PHF19: variants seen among roughly 807,000 people sequenced by gnomAD.
PHF19 encodes PHD finger protein 19, also known as polycomb like 3.
Under a neutral mutation model 79.8 loss-of-function variants are expected in PHF19, and 21 were observed. That is an observed-to-expected ratio of 0.26 (90% CI 0.19 to 0.38). The LOEUF (loss-of-function observed/expected upper bound fraction) is 0.38, where lower values mean the gene tolerates loss of function less well. Ranked by LOEUF, PHF19 falls within the 10% of genes least tolerant of loss-of-function variation. PHF19 has a pLI of 1.00. For synonymous variants in PHF19, 273 were observed against 296.3 expected (o/e 0.92, Z 0.81); for missense variants, 445 against 744.2 (o/e 0.60, Z 4.68).
intron 1 of PHF19, among the ~76,000 whole-genome samples, chr9:120,885,596 A>G (rs956273039): frequency 1.3e-5 from 2 of 148,680 alleles, no homozygotes; most frequent in Admixed American, 1.3e-4. Flanking sequence ...AAAAAAAAAA[A>G]CAAAGCAGGA....
chr9:120,877,248 CG>C, upstream of PHF19: 1 of 794,702 alleles, frequency 1.3e-6, no homozygotes, highest in Non-Finnish European at 1.5e-6. Context: ...GGGGGCGCCG[CG>C]GGGAGGAGGG....
In PHF19 at chr9:120,860,464, G is replaced by A. The variant is rs1034780760; in HGVS notation, c.1305-279C>T. 4.7e-6 allele frequency: 2 copies of A among 425,000 alleles called. No homozygotes were observed. The highest frequency in any genetic ancestry group is 4.9e-5 in the East Asian group (1 of 20,362). The allele number at this position is 425,000 out of a possible 1,614,324, so 26.3% of individuals were successfully genotyped here. On this transcript the variant is annotated intron_variant, in intron 13 of 14. Transcript: ENST00000373896. The surrounding 1 kb of genome is among the most constrained non-coding windows in gnomAD (Gnocchi z 4.1). ...CAAGGCACCTGTGCAACACTTCACAGGTCAAAAGTGCTTTCATTTGCATTA... is the reference window on the plus strand; with the variant it reads ...CAAGGCACCTGTGCAACACTTCACAAGTCAAAAGTGCTTTCATTTGCATTA...
upstream of PHF19, chr9:120,877,232 C>T (rs1257581237): frequency 1.3e-5 from 3 of 228,214 alleles, no homozygotes; most frequent in East Asian, 5.6e-4. Flanking sequence ...GGGGGCGGGG[C>T]GGGGCGGGGG....
intron 1 of PHF19, among the ~76,000 whole-genome samples, chr9:120,886,981 G>A (rs571502432): frequency 6.6e-6 from 1 of 151,278 alleles, no homozygotes; most frequent in East Asian, 2.0e-4. Context: ...CAGGAGAATT[G>A]CTTGAACCTG....
intron 1 of PHF19, among the ~76,000 whole-genome samples, chr9:120,884,489 C>A (rs2046236201): frequency 6.6e-6 from 1 of 152,198 alleles, no homozygotes; most frequent in South Asian, 2.1e-4. Flanking sequence ...AAGATATAAC[C>A]AACTGCCCAA....
chr9:120,882,743 G>A (rs1029048641), intron 1 of PHF19, among the ~76,000 whole-genome samples: 1 of 151,422 alleles, frequency 6.6e-6, no homozygotes, highest in Admixed American at 6.6e-5. Flanking sequence ...TTGGGAGGCT[G>A]AGGCAGGAGA....
In PHF19 at chr9:120,860,578, G is replaced by C; in HGVS notation, c.1305-393C>G. The C allele has an allele frequency of 4.1e-6, 1 of 244,336 alleles. No homozygotes were observed. Among genetic ancestry groups the C allele is most frequent in the Non-Finnish European group, 8.2e-6 (1 of 122,266 alleles). The allele number at this position is 244,336 out of a possible 1,614,324, so 15.1% of individuals were successfully genotyped here. A position where few individuals can be genotyped will look rare whatever the true frequency, so the allele number is the denominator to read the frequency against. ...AGCTAGTACTGATAAGCAGGGTCTGGAGTTCAGGTCTGACTCTAAAGCCCT... is the reference window on the plus strand; with the variant it reads ...AGCTAGTACTGATAAGCAGGGTCTGCAGTTCAGGTCTGACTCTAAAGCCCT... On this transcript the variant is annotated intron_variant, in intron 13 of 14. Coordinates refer to ENST00000373896, the MANE Select transcript of PHF19 (RefSeq NM_015651.3). The surrounding 1 kb of genome is among the most constrained non-coding windows in gnomAD (Gnocchi z 4.1).
intron 3 of PHF19, among the ~76,000 whole-genome samples, chr9:120,873,584 A>AT (rs574110509): frequency 2.3e-4 from 35 of 152,358 alleles, no homozygotes; most frequent in African/African-American, 8.4e-4. Context: ...CTGTGCTTGC[A>AT]TCTAGAGCTG....
rs199814427 is a variant in PHF19 at position 120,869,395 on chromosome 9, GCTGT to G, written c.466-69_466-66del. 0.046 allele frequency: 70,610 copies of G among 1,546,014 alleles called. 1,928 individuals are homozygous for G. The highest frequency in any genetic ancestry group is 0.052 in the Non-Finnish European group (59,476 of 1,138,946). ...GGTGGACCACGCGAGTCAGCACGCG[GCTGT>G]CTATTGAGGGAAGTGCTGCCAGGGC... On this transcript the variant is annotated intron_variant, in intron 5 of 14. Coordinates refer to ENST00000373896, the MANE Select transcript of PHF19 (RefSeq NM_015651.3). This position sits in a 1 kb window ranked among gnomAD's most constrained non-coding sequence, Gnocchi z 5.8.
intron 14 of PHF19, among the ~76,000 whole-genome samples, chr9:120,858,803 G>GACAATC: frequency 8.3e-6 from 1 of 120,394 alleles, no homozygotes; most frequent in Admixed American, 8.9e-5. Context: ...TGGAGAGACT[G>GACAATC]ACAGACATCA....
Position 120,870,566 on chromosome 9 carries a change from TC to T in PHF19, c.269-29del. 1 of 1,335,466 alleles carries T rather than the reference TC, an allele frequency of 7.5e-7. No individual in the cohort carries two copies. The highest frequency in any genetic ancestry group is 1.1e-6 in the Non-Finnish European group (1 of 925,528). The allele number at this position is 1,335,466 out of a possible 1,614,324, so 82.7% of individuals were successfully genotyped here. A position where few individuals can be genotyped will look rare whatever the true frequency, so the allele number is the denominator to read the frequency against. On this transcript the variant is annotated intron_variant, in intron 3 of 14. Coordinates refer to ENST00000373896, the MANE Select transcript of PHF19 (RefSeq NM_015651.3). This position sits in a 1 kb window ranked among gnomAD's most constrained non-coding sequence, Gnocchi z 4.4. ...GAAAGAGAGGGCCTCGAGGGTCGGG[TC>T]CAGCTCACAGGAATGGAAGTTTTAT...
At chr9:120,867,103 G>T in intron 6 of PHF19, 138 bp from the exon 7 acceptor site, 1 of 626,794 alleles carries the variant, frequency 1.6e-6, no homozygotes, top group Non-Finnish European at 3.0e-6. Context: ...CTTAGGCTGT[G>T]CCAAGGGAGG....
chr9:120,897,561 A>T (rs2046412483), upstream of PHF19, among the ~76,000 whole-genome samples: 1 of 152,218 alleles, frequency 6.6e-6, no homozygotes, highest in African/African-American at 2.4e-5. Context: ...ATGTAATTCT[A>T]AATTTTCTAG....
chr9:120,864,181 C>G lies in PHF19; in HGVS notation c.901-65G>C, dbSNP rs2045626623. On this transcript the variant is annotated intron_variant, in intron 9 of 14. Transcript: ENST00000373896. Reference sequence around the variant, plus strand: ...TATGGCGCATGGGGAGGCCCAAGCCCCTACTCCCTCCCTTCCATCTCCTGA... The same window carrying G: ...TATGGCGCATGGGGAGGCCCAAGCCGCTACTCCCTCCCTTCCATCTCCTGA... 3 of 1,319,600 alleles carry G rather than the reference C, an allele frequency of 2.3e-6. No individual in the cohort carries two copies. In the African/African-American group the frequency reaches 4.3e-5, roughly 19 times the overall value. The allele number at this position is 1,319,600 out of a possible 1,614,324, so 81.7% of individuals were successfully genotyped here.
Position 120,867,053 on chromosome 9 carries a change from C to T in PHF19, c.615-88G>A, listed in dbSNP as rs376169890. The T allele has an allele frequency of 5.1e-5, 39 of 762,608 alleles. No individual in the cohort carries two copies. In the African/African-American group the frequency reaches 5.6e-4, roughly 11 times the overall value. 47.2% of individuals were successfully genotyped at this position (762,608 alleles called of 1,614,324 possible). On this transcript the variant is annotated intron_variant, in intron 6 of 14. Transcript: ENST00000373896. Reference sequence around the variant, plus strand: ...CAACCTTTCCCAAGTTAAATTTGCCCTCCACTGGCAGAAAGGGAAGAGAAT... The same window carrying T: ...CAACCTTTCCCAAGTTAAATTTGCCTTCCACTGGCAGAAAGGGAAGAGAAT...
upstream of PHF19, among the ~76,000 whole-genome samples, chr9:120,877,903 CAG>C (rs1467926626): frequency 1.3e-5 from 2 of 152,188 alleles, no homozygotes; most frequent in Non-Finnish European, 2.9e-5. Context: ...CTGTACACAA[CAG>C]AGACACACAA....
At chr9:120,895,921 G>A (rs1349660414), upstream of PHF19, among the ~76,000 whole-genome samples, 1 of 152,194 alleles carries the variant, frequency 6.6e-6, no homozygotes, top group African/African-American at 2.4e-5. Flanking sequence ...CCAAAGTGCT[G>A]GGATTACAGA....
chr9:120,898,139 C>T (rs1024435954), upstream of PHF19, among the ~76,000 whole-genome samples: 2 of 152,178 alleles, frequency 1.3e-5, no homozygotes, highest in Non-Finnish European at 2.9e-5. Context: ...TGTTTTGAGA[C>T]GAAGTCTTGC....
Position 120,857,889 on chromosome 9 carries a change from G to T in PHF19, c.*55C>A. On this transcript the variant is annotated 3_prime_UTR_variant, in exon 15 of 15. Coordinates refer to ENST00000373896, the MANE Select transcript of PHF19 (RefSeq NM_015651.3). Reference sequence around the variant, plus strand: ...GCCTGGAGAAAGCTGGGGAGCCTATGGCTTCTGCTGCTCCTCCTTTGGTTT... The same window carrying T: ...GCCTGGAGAAAGCTGGGGAGCCTATTGCTTCTGCTGCTCCTCCTTTGGTTT... The T allele has an allele frequency of 9.3e-7, 1 of 1,073,444 alleles. No individual in the cohort carries two copies. Among genetic ancestry groups the T allele is most frequent in the Non-Finnish European group, 1.4e-6 (1 of 739,428 alleles). The allele number at this position is 1,073,444 out of a possible 1,614,324, so 66.5% of individuals were successfully genotyped here.
Sources: gnomAD v4.1 joint callset for allele counts (sites outside exome capture counted in the v4.1 genomes callset) on GRCh38, gnomAD v4.1.1 for gene constraint, Gnocchi (gnomAD v3.1) non-coding constraint, MANE v1.5 for transcripts, NCBI Gene and HGNC (gene_info 2026-07-23, HGNC 2026-07-21) for gene names.